Variants in FAM83A observed in about 807,000 individuals in gnomAD.
FAM83A encodes the protein protein FAM83A.
Under a neutral mutation model 24.4 loss-of-function variants are expected in FAM83A, and 21 were observed. The ratio of observed to expected loss-of-function variants is 0.86; its 90% CI spans 0.61 to 1.24. The LOEUF (loss-of-function observed/expected upper bound fraction) is 1.24, where lower values mean the gene tolerates loss of function less well. Ranked by LOEUF, FAM83A falls within the 50% of genes most tolerant of loss-of-function variation. FAM83A has a pLI of 0.00. For missense variants in FAM83A, 617 were observed against 579.8 expected (o/e 1.06, Z -0.66); for synonymous variants, 270 against 252.4 (o/e 1.07, Z -0.66).
At chr8:123,208,721 C>A (rs542514312) in exon 4 of FAM83A, 2 of 985,426 alleles carry the variant, frequency 2.0e-6, no homozygotes, top group Admixed American at 6.2e-5. Flanking sequence ...AGGGGCCAGG[C>A]GTGGTGGCTC....
In FAM83A at chr8:123,209,010, G is replaced by A; in HGVS notation, c.*1322G>A. 3 of 988,480 alleles carry A rather than the reference G, an allele frequency of 3.0e-6. No individual in the cohort carries two copies. The highest frequency in any genetic ancestry group is 3.6e-6 in the Non-Finnish European group (3 of 832,440). The allele number at this position is 988,480 out of a possible 1,614,324, so 61.2% of individuals were successfully genotyped here. On this transcript the variant is annotated 3_prime_UTR_variant, in exon 4 of 4. Transcript: ENST00000690554. The surrounding 1 kb of genome is among the most constrained non-coding windows in gnomAD (Gnocchi z 4.7). Reference sequence around the variant, plus strand: ...AGAGAGCATAGAGGAGGGTTGGCCAGCCCTGTGGTGGGTGGGATGTCAGAG... The same window carrying A: ...AGAGAGCATAGAGGAGGGTTGGCCAACCCTGTGGTGGGTGGGATGTCAGAG...
chr8:123,183,129 C>T (rs1823665586), exon 1 of FAM83A: 1 of 1,613,902 alleles, frequency 6.2e-7, no homozygotes, highest in Non-Finnish European at 8.5e-7. Flanking sequence ...CGGAAGCAGG[C>T]CCTAAGGGAC....
intron 3 of FAM83A, among the ~76,000 whole-genome samples, chr8:123,204,507 A>G (rs190201427): frequency 6.6e-6 from 1 of 152,224 alleles, no homozygotes; most frequent in Admixed American, 6.5e-5. Flanking sequence ...TCACGCCTGT[A>G]ATCCCACCAC....
In FAM83A at chr8:123,209,512, T is replaced by G; in HGVS notation, c.*1824T>G. ...GGCTTTCTGAACCCAGCCCTGACCTTGTTGTTTCACAGCTGACGGCTGAGA... is the reference window on the plus strand; with the variant it reads ...GGCTTTCTGAACCCAGCCCTGACCTGGTTGTTTCACAGCTGACGGCTGAGA... On this transcript the variant is annotated 3_prime_UTR_variant, in exon 4 of 4. Transcript: ENST00000690554. This position sits in a 1 kb window ranked among gnomAD's most constrained non-coding sequence, Gnocchi z 4.7. 1 of 1,614,104 alleles carries G rather than the reference T, an allele frequency of 6.2e-7. No homozygotes were observed. The highest frequency in any genetic ancestry group is 8.5e-7 in the Non-Finnish European group (1 of 1,180,012).
intron 3 of FAM83A, among the ~76,000 whole-genome samples, chr8:123,194,668 G>C (rs989526990): frequency 6.6e-6 from 1 of 152,164 alleles, no homozygotes; most frequent in Non-Finnish European, 1.5e-5. Context: ...ATATTTAGTA[G>C]AGACGGGGTT....
intron 3 of FAM83A, among the ~76,000 whole-genome samples, chr8:123,199,409 T>A (rs937717926): frequency 3.9e-5 from 6 of 152,224 alleles, no homozygotes; most frequent in Admixed American, 1.3e-4. Context: ...TGGTTTGACC[T>A]CACTTTCCAG....
chr8:123,183,278 C>A (rs1228732140), exon 1 of FAM83A: 1 of 1,613,172 alleles, frequency 6.2e-7, no homozygotes, highest in East Asian at 2.2e-5. Flanking sequence ...TACTTCCAGA[C>A]CGTCAAGCAC....
At chr8:123,180,308 G>T (rs1055056963), upstream of FAM83A, 7 of 152,070 alleles carry the variant, frequency 4.6e-5, no homozygotes, top group African/African-American at 1.7e-4. Context: ...ACATAAATGG[G>T]AACCACTCAG....
At position 123,191,981 on chromosome 8, in the gene FAM83A, C is replaced by T; in HGVS notation, c.648+11C>T. 1 of 1,613,686 alleles carries T rather than the reference C, an allele frequency of 6.2e-7. No individual in the cohort carries two copies. Among genetic ancestry groups the T allele is most frequent in the Non-Finnish European group, 8.5e-7 (1 of 1,179,774 alleles). On this transcript the variant is annotated intron_variant, in intron 2 of 3. Coordinates refer to ENST00000690554, the Ensembl canonical transcript of FAM83A. ...GACAGTCACCTCAAGGTAGGGGCCC[C>T]AATGAGAGTCCTAAGGGTACTCATA...
chr8:123,184,335 C>T (rs1823720161), intron 1 of FAM83A, among the ~76,000 whole-genome samples: 1 of 152,122 alleles, frequency 6.6e-6, no homozygotes, highest in South Asian at 2.1e-4. Flanking sequence ...CTCCGCTGGG[C>T]TCACCTTTGC....
exon 4 of FAM83A, chr8:123,207,862 A>G (rs1054753225): frequency 7.2e-7 from 1 of 1,379,998 alleles, no homozygotes; most frequent in African/African-American, 1.5e-5. Context: ...GGCCCCCACC[A>G]GTTCTTGGGT....
At chr8:123,182,004 C>A (rs1006580152), upstream of FAM83A, 1 of 455,912 alleles carries the variant, frequency 2.2e-6, no homozygotes, top group Non-Finnish European at 4.4e-6. Context: ...TTCAAACCCA[C>A]GTGCTGCTCC....
upstream of FAM83A, chr8:123,182,214 G>T: frequency 2.3e-6 from 1 of 429,424 alleles, no homozygotes; most frequent in South Asian, 1.6e-5. Context: ...CCTTCATAGG[G>T]CAGGGAGGGG....
chr8:123,183,166 A>G, exon 1 of FAM83A: 1 of 1,613,664 alleles, frequency 6.2e-7, no homozygotes, highest in East Asian at 2.2e-5. Context: ...ACAGTCCGGC[A>G]CCTACTTCCC....
At chr8:123,204,707 G>C (rs933740306) in intron 3 of FAM83A, among the ~76,000 whole-genome samples, 2 of 152,066 alleles carry the variant, frequency 1.3e-5, no homozygotes, top group African/African-American at 4.8e-5. Flanking sequence ...CTTGCAGTGA[G>C]CCGAGATCGC....
intron 3 of FAM83A, among the ~76,000 whole-genome samples, chr8:123,197,277 G>T (rs1824188531): frequency 6.6e-6 from 1 of 152,198 alleles, no homozygotes; most frequent in Admixed American, 6.5e-5. Context: ...GAAAAAAAGA[G>T]AATGTGGCTT....
intron 2 of FAM83A, among the ~76,000 whole-genome samples, chr8:123,193,676 C>T (rs1055333857): frequency 1.3e-5 from 2 of 152,198 alleles, no homozygotes; most frequent in South Asian, 4.1e-4. Context: ...ATTTATTCCT[C>T]ATGGTTCTAG....
chr8:123,189,808 C>T (rs1823911561), intron 1 of FAM83A, among the ~76,000 whole-genome samples: 1 of 152,180 alleles, frequency 6.6e-6, no homozygotes, highest in South Asian at 2.1e-4. Context: ...TAAAATCAAG[C>T]TGTGCCCCGA....
intron 2 of FAM83A, among the ~76,000 whole-genome samples, chr8:123,193,737 G>A (rs1250814677): frequency 6.6e-6 from 1 of 152,194 alleles, no homozygotes; most frequent in Non-Finnish European, 1.5e-5. Flanking sequence ...GTCTGGTGAA[G>A]CCCACTTCCT....
Sources: allele counts gnomAD v4.1 joint callset (sites outside exome capture counted in the v4.1 genomes callset), GRCh38; gene constraint gnomAD v4.1.1; non-coding constraint Gnocchi (gnomAD v3.1); transcripts MANE v1.5; gene names NCBI Gene and HGNC (gene_info 2026-07-23, HGNC 2026-07-21).